The following ZNF469 variants were observed in gnomAD, a reference collection of about 807,000 sequenced individuals.
ZNF469 encodes zinc finger protein 469.
ZNF469 carries 1 observed loss-of-function variant against 1.0 expected under a neutral mutation model. The observed-to-expected ratio is 1.00, with a 90% CI of 0.35 to 4.73. The LOEUF (loss-of-function observed/expected upper bound fraction) is 4.73, where lower values mean the gene tolerates loss of function less well. Ranked by LOEUF, ZNF469 falls within the 30% of genes most tolerant of loss-of-function variation. The probability of loss-of-function intolerance (pLI) is 0.16; values close to 1 mark genes in which losing one functional copy is unlikely to be tolerated. For missense variants in ZNF469, 6,100 were observed against 5,356.3 expected (o/e 1.14, Z -4.33); for synonymous variants, 2,703 against 2,363.4 (o/e 1.14, Z -4.17).
the ZNF469 span, among the ~76,000 whole-genome samples, chr16:88,192,863 C>CGGTGGTGGTGATGATGATGAT: frequency 2.0e-4 from 3 of 14,948 alleles, no homozygotes; most frequent in Admixed American, 2.0e-3. Flanking sequence ...ATGGTGATGA[C>CGGTGGTGGTGATGATGATGAT]GGTGGTGGTG....
At chr16:88,103,387 C>G in the ZNF469 span, among the ~76,000 whole-genome samples, 1 of 152,352 alleles carries the variant, frequency 6.6e-6, no homozygotes, top group Non-Finnish European at 1.5e-5. Flanking sequence ...TCTCCACCTG[C>G]TGGGGCTGCC....
chr16:88,368,936 A>T, the ZNF469 span, among the ~76,000 whole-genome samples: 2 of 152,088 alleles, frequency 1.3e-5, no homozygotes, highest in African/African-American at 4.8e-5. Context: ...AAAATTAGCC[A>T]TGTGTGCTGG....
chr16:88,227,576 C>T, the ZNF469 span, among the ~76,000 whole-genome samples: 1 of 149,266 alleles, frequency 6.7e-6, no homozygotes, highest in African/African-American at 2.5e-5. Flanking sequence ...CCGGCCTGGC[C>T]CCCCCCTTCT....
At chr16:88,159,172 C>G in the ZNF469 span, among the ~76,000 whole-genome samples, 1 of 115,486 alleles carries the variant, frequency 8.7e-6, no homozygotes, top group Admixed American at 8.7e-5. Context: ...ATGTGGACCA[C>G]TCACTGTCCT....
At chr16:88,173,717 G>C in the ZNF469 span, among the ~76,000 whole-genome samples, 1 of 152,180 alleles carries the variant, frequency 6.6e-6, no homozygotes, top group South Asian at 2.1e-4. Context: ...GGGAATGGAA[G>C]TACACCACTC....
At position 88,438,661 on chromosome 16, in the gene ZNF469, A is replaced by G; in HGVS notation, c.11191A>G (p.Ser3731Gly). 6.5e-7 allele frequency: 1 copy of G among 1,550,022 alleles called. No individual in the cohort carries two copies. The change falls in exon 3 of 3, where the codon AGC becomes GGC. Residue 3731 changes from serine (S) to glycine (G), a missense_variant. Coordinates refer to ENST00000565624, the MANE Select transcript of ZNF469 (RefSeq NM_001367624.2). Reference protein sequence around the residue: ...PATPKAKPGPSSQGSGSPRPG... With the variant: ...PATPKAKPGPGSQGSGSPRPG... ...CACCCCCAAAGCCAAACCCGGCCCC[A>G]GCTCCCAGGGCAGTGGAAGCCCTCG...
At chr16:88,201,143 A>G in the ZNF469 span, among the ~76,000 whole-genome samples, 1 of 152,246 alleles carries the variant, frequency 6.6e-6, no homozygotes, top group Non-Finnish European at 1.5e-5. This position sits in a 1 kb window ranked among gnomAD's most constrained non-coding sequence, Gnocchi z 5.0. Flanking sequence ...CCCGTGCTTC[A>G]GTTTACCTGT....
the ZNF469 span, among the ~76,000 whole-genome samples, chr16:88,315,202 G>T: frequency 3.3e-5 from 5 of 152,236 alleles, no homozygotes; most frequent in African/African-American, 1.2e-4. Context: ...ACCTAAGGTT[G>T]TGCGGCTTGG....
the ZNF469 span, among the ~76,000 whole-genome samples, chr16:88,149,467 C>T: frequency 1.3e-5 from 2 of 152,252 alleles, no homozygotes; most frequent in African/African-American, 4.8e-5. Flanking sequence ...TGTGCAACCG[C>T]AGCCTGAGTG....
the ZNF469 span, among the ~76,000 whole-genome samples, chr16:88,114,945 C>CT: frequency 3.4e-5 from 4 of 117,690 alleles, no homozygotes; most frequent in African/African-American, 1.1e-4. Flanking sequence ...TTTCAGCCGC[C>CT]TTTCTCTTGC....
intron 1 of ZNF469, among the ~76,000 whole-genome samples, chr16:88,421,772 T>C (rs1905466692): frequency 1.3e-5 from 2 of 152,234 alleles, no homozygotes; most frequent in South Asian, 4.1e-4. Context: ...TGCCTTCAAA[T>C]CTCAGCTTGG....
chr16:88,374,453 G>A, the ZNF469 span, among the ~76,000 whole-genome samples: 1 of 152,216 alleles, frequency 6.6e-6, no homozygotes, highest in Admixed American at 6.5e-5. Flanking sequence ...CAGAGAAGAA[G>A]GGGCACTGAG....
chr16:88,300,938 G>T, the ZNF469 span, among the ~76,000 whole-genome samples: 1 of 152,042 alleles, frequency 6.6e-6, no homozygotes, highest in Admixed American at 6.6e-5. Context: ...GGGGGCAGGT[G>T]CCTGTAATCC....
At chr16:88,375,922 G>A in the ZNF469 span, among the ~76,000 whole-genome samples, 11 of 152,234 alleles carry the variant, frequency 7.2e-5, no homozygotes, top group African/African-American at 2.2e-4. Flanking sequence ...GCTGGCTGAC[G>A]TGTGGGCCGG....
At chr16:88,178,851 CTT>C in the ZNF469 span, 1 of 144,994 alleles carries the variant, frequency 6.9e-6, no homozygotes, top group African/African-American at 2.5e-5. Context: ...TGCTGACCAC[CTT>C]CACCTGGAGG....
the ZNF469 span, among the ~76,000 whole-genome samples, chr16:88,302,745 C>T: frequency 6.6e-6 from 1 of 152,206 alleles, no homozygotes; most frequent in East Asian, 1.9e-4. Flanking sequence ...GCTGGCTGCT[C>T]TGTAGGGCCC....
the ZNF469 span, among the ~76,000 whole-genome samples, chr16:88,242,673 C>A: frequency 2.5e-4 from 38 of 152,386 alleles, no homozygotes; most frequent in Admixed American, 4.6e-4. Context: ...GCCCCCTTTC[C>A]CAGGCAGGGT....
At chr16:88,368,336 T>C in the ZNF469 span, among the ~76,000 whole-genome samples, 2 of 152,242 alleles carry the variant, frequency 1.3e-5, no homozygotes, top group African/African-American at 4.8e-5. Context: ...ACGCCATCCC[T>C]GAGCCGGCAG....
the ZNF469 span, among the ~76,000 whole-genome samples, chr16:88,130,976 G>T: frequency 1.3e-5 from 2 of 152,194 alleles, no homozygotes; most frequent in Non-Finnish European, 2.9e-5. Context: ...AGCCGGGGAC[G>T]GGGGTGCGAG....
Sources: gnomAD v4.1 joint callset for allele counts (sites outside exome capture counted in the v4.1 genomes callset) on GRCh38, gnomAD v4.1.1 for gene constraint, Gnocchi (gnomAD v3.1) non-coding constraint, MANE v1.5 for transcripts, NCBI Gene and HGNC (gene_info 2026-07-23, HGNC 2026-07-21) for gene names.